The following TANC2 variants were observed in gnomAD, a reference collection of about 807,000 sequenced individuals.
The protein encoded by TANC2 is protein TANC2.
TANC2 carries 26 observed loss-of-function variants against 210.5 expected under a neutral mutation model. That is an observed-to-expected ratio of 0.12 (90% CI 0.09 to 0.17). The LOEUF is 0.17. Ranked by LOEUF, TANC2 falls within the 10% of genes least tolerant of loss-of-function variation. The pLI is 1.00. For missense variants in TANC2, 2,129 were observed against 2,608.9 expected (o/e 0.82, Z 4.01); for synonymous variants, 931 against 967.1 (o/e 0.96, Z 0.69).
intron 9 of TANC2, among the ~76,000 whole-genome samples, chr17:63,313,946 C>T (rs1256946642): frequency 1.3e-5 from 2 of 152,094 alleles, no homozygotes; most frequent in East Asian, 3.9e-4. Flanking sequence ...GTCTAGATGC[C>T]CCGCCACAGC....
intron 14 of TANC2, among the ~76,000 whole-genome samples, chr17:63,355,596 G>T (rs1180453581): frequency 3.3e-5 from 5 of 152,170 alleles, no homozygotes; most frequent in African/African-American, 1.2e-4. Context: ...CATCTGCATA[G>T]ATATTTAGAA....
chr17:63,113,774 C>G (rs2038145397), intron 4 of TANC2, among the ~76,000 whole-genome samples: 1 of 152,164 alleles, frequency 6.6e-6, no homozygotes, highest in Non-Finnish European at 1.5e-5. Context: ...TCCCAAAGCA[C>G]TGAGATTACA....
chr17:63,383,181 C>T (rs1032003707), intron 15 of TANC2, among the ~76,000 whole-genome samples: 1 of 152,192 alleles, frequency 6.6e-6, no homozygotes, highest in African/African-American at 2.4e-5. Context: ...ACATTTGTTA[C>T]AATTGAGGAA....
chr17:63,110,104 A>G (rs76113027), intron 4 of TANC2, among the ~76,000 whole-genome samples: 5,894 of 151,726 alleles, frequency 0.039, 224 homozygotes, highest in African/African-American at 0.058. Flanking sequence ...CCCCTTATCA[A>G]CTTTCAGTGA....
chr17:63,156,161 C>A (rs561459717), intron 5 of TANC2, among the ~76,000 whole-genome samples: 103 of 152,138 alleles, frequency 6.8e-4, no homozygotes, highest in African/African-American at 2.4e-3. Flanking sequence ...TACCAAGAGC[C>A]TTTTCCTCCT....
At chr17:63,167,625 C>T (rs948449116) in intron 5 of TANC2, among the ~76,000 whole-genome samples, 3 of 151,620 alleles carry the variant, frequency 2.0e-5, no homozygotes, top group African/African-American at 7.3e-5. Context: ...GTCTGGGTTT[C>T]CAAAAAATAA....
intron 5 of TANC2, among the ~76,000 whole-genome samples, chr17:63,178,356 C>T (rs1416792462): frequency 2.0e-5 from 3 of 152,096 alleles, no homozygotes; most frequent in Non-Finnish European, 4.4e-5. Flanking sequence ...AAAAACTGCC[C>T]TATGGGCGCA....
At chr17:63,394,631 G>GCCCTACT (rs1285379839) in intron 17 of TANC2, among the ~76,000 whole-genome samples, 1 of 152,110 alleles carries the variant, frequency 6.6e-6, no homozygotes, top group East Asian at 1.9e-4. Flanking sequence ...CCTTTCATGT[G>GCCCTACT]CCCTACTCTT....
In TANC2 at chr17:63,253,620, T is replaced by G. The variant is rs535174722; in HGVS notation, c.1034-14128T>G. Among the ~76,000 whole-genome samples, 15 of 152,268 alleles carry G rather than the reference T, an allele frequency of 9.9e-5. No homozygotes were observed. In the East Asian group the frequency reaches 2.5e-3, roughly 25 times the overall value. ...TCCATTTTTATTTGATTTTTGGTTT[T>G]GGGTTTTTTTGACATAGGATCTCGC... On this transcript the variant is annotated intron_variant, in intron 8 of 27. Transcript: ENST00000689528.
In TANC2 at chr17:63,329,868, A is replaced by T. The variant is rs76395382; in HGVS notation, c.1576-10233A>T. On this transcript the variant is annotated intron_variant, in intron 11 of 27. Coordinates refer to ENST00000689528, the Ensembl canonical transcript of TANC2. ...GTGTTCAAGTAAAAAGAAGAACTGC[A>T]CATCTCTCACATTAAATCAAAAGCT... Among the ~76,000 whole-genome samples, 1,148 of 152,298 alleles carry T rather than the reference A, an allele frequency of 7.5e-3. 15 individuals carry two copies. Among genetic ancestry groups the T allele is most frequent in the African/African-American group, 0.025 (1,046 of 41,572 alleles).
chr17:63,054,546 A>AT (rs372855287), intron 2 of TANC2, among the ~76,000 whole-genome samples: 38,935 of 136,906 alleles, frequency 0.28, 7,153 homozygotes, highest in African/African-American at 0.55. Flanking sequence ...TAATTTTTGT[A>AT]TTTTTTTTTT....
In TANC2 at chr17:63,177,457, G is replaced by C. The variant is rs188551298; in HGVS notation, c.434-16534G>C. The stretch of plus-strand genomic sequence containing the variant: ...AAATGACTAAGAGAATGCTTAGATT[G>C]AGCAGAAAATATATGGTAAGAAAAG... On this transcript the variant is annotated intron_variant, in intron 5 of 27. Transcript: ENST00000689528. 2.0e-5 allele frequency among the ~76,000 whole-genome samples: 3 copies of C among 151,848 alleles called. No individual in the cohort carries two copies. In the East Asian group the frequency reaches 5.8e-4, roughly 29 times the overall value.
chr17:63,409,664 T>C (rs2048628871), intron 21 of TANC2, among the ~76,000 whole-genome samples: 1 of 152,188 alleles, frequency 6.6e-6, no homozygotes, highest in African/African-American at 2.4e-5. Context: ...ACTACACACC[T>C]AGGCTGTATA....
At chr17:63,328,238 C>G (rs1270721273) in intron 11 of TANC2, among the ~76,000 whole-genome samples, 2 of 152,182 alleles carry the variant, frequency 1.3e-5, no homozygotes, top group Non-Finnish European at 2.9e-5. Context: ...GGGTACTATG[C>G]TCACTGTGGG....
chr17:63,412,848 A>G lies in TANC2; in HGVS notation c.3928+139A>G. The G allele has an allele frequency of 1.9e-6, 2 of 1,045,128 alleles. No individual in the cohort carries two copies. The highest frequency in any genetic ancestry group is 3.3e-5 in the South Asian group (2 of 61,052). 64.7% of individuals were successfully genotyped at this position (1,045,128 alleles called of 1,614,324 possible). A position where few individuals can be genotyped will look rare whatever the true frequency, so the allele number is the denominator to read the frequency against. Reference sequence around the variant, plus strand: ...TTCACCTTAAAAGAAGATTTTTTTTAATGACTGTTGTAGAGAATAACTTGA... The same window carrying G: ...TTCACCTTAAAAGAAGATTTTTTTTGATGACTGTTGTAGAGAATAACTTGA... On this transcript the variant is annotated intron_variant, in intron 24 of 27. Transcript: ENST00000689528. The surrounding 1 kb of genome is among the most constrained non-coding windows in gnomAD (Gnocchi z 4.2).
intron 2 of TANC2, among the ~76,000 whole-genome samples, chr17:63,028,481 G>A (rs2034641440): frequency 6.6e-6 from 1 of 152,056 alleles, no homozygotes. Flanking sequence ...AAAGACACAG[G>A]GGCTTGGGCT....
intron 3 of TANC2, among the ~76,000 whole-genome samples, chr17:63,079,993 C>T (rs184124819): frequency 2.6e-4 from 40 of 152,212 alleles, no homozygotes; most frequent in Middle Eastern, 3.4e-3. Context: ...GTATGACTGC[C>T]GCAGGTTAGG....
chr17:63,313,228 T>C (rs1286519843), intron 9 of TANC2: 5 of 152,192 alleles, frequency 3.3e-5, no homozygotes, highest in African/African-American at 1.2e-4. Flanking sequence ...TTATTTTTAA[T>C]TAATTCTTTC....
intron 2 of TANC2, among the ~76,000 whole-genome samples, chr17:63,040,116 C>G (rs2035128150): frequency 6.6e-6 from 1 of 152,094 alleles, no homozygotes; most frequent in African/African-American, 2.4e-5. Context: ...TAGAATGAAC[C>G]TTGGAGTTGG....
Sources: allele counts gnomAD v4.1 joint callset (sites outside exome capture counted in the v4.1 genomes callset), GRCh38; gene constraint gnomAD v4.1.1; non-coding constraint Gnocchi (gnomAD v3.1); transcripts MANE v1.5; gene names NCBI Gene and HGNC (gene_info 2026-07-23, HGNC 2026-07-21).